Variants in ERBB4 observed in about 807,000 individuals in gnomAD.
ERBB4 encodes the protein receptor tyrosine-protein kinase erbB-4.
In ERBB4, 42 loss-of-function variants were observed where a neutral mutation model predicts 158.0. That is an observed-to-expected ratio of 0.27 (90% CI 0.21 to 0.34). The LOEUF (loss-of-function observed/expected upper bound fraction) is 0.34, where lower values mean the gene tolerates loss of function less well. ERBB4 is among the 10% of genes least tolerant of loss of function. The pLI, the probability that ERBB4 is intolerant of heterozygous loss-of-function variation, is 1.00. For missense variants in ERBB4, 1,333 were observed against 1,624.1 expected, an observed-to-expected ratio of 0.82 and a Z score of 3.08; for synonymous variants, 583 against 558.7, an observed-to-expected ratio of 1.04 and a Z score of -0.61.
chr2:212,072,924 C>T (rs9678219), intron 2 of ERBB4, among the ~76,000 whole-genome samples: 29,664 of 151,808 alleles, frequency 0.2, 3,303 homozygotes, highest in African/African-American at 0.31. Context: ...AATATTGTTT[C>T]ATGAAAGCAC....
chr2:212,425,854 T>C (rs1049218530), intron 1 of ERBB4, among the ~76,000 whole-genome samples: 3 of 151,996 alleles, frequency 2.0e-5, no homozygotes, highest in South Asian at 2.1e-4. Context: ...AGAAAAGTTT[T>C]TGTATTCCTC....
intron 3 of ERBB4, among the ~76,000 whole-genome samples, chr2:211,824,018 T>A (rs1259317642): frequency 6.6e-6 from 1 of 152,036 alleles, no homozygotes; most frequent in African/African-American, 2.4e-5. Context: ...AGAATGGTGA[T>A]TTAGGCTCCC....
chr2:211,577,694 G>T (rs918655595), intron 19 of ERBB4, among the ~76,000 whole-genome samples: 4 of 152,058 alleles, frequency 2.6e-5, no homozygotes, highest in Non-Finnish European at 5.9e-5. Context: ...CACATAAACA[G>T]ATCTAAAGAC....
intron 1 of ERBB4, among the ~76,000 whole-genome samples, chr2:212,138,807 T>C (rs1377251219): frequency 6.6e-6 from 1 of 152,162 alleles, no homozygotes; most frequent in Non-Finnish European, 1.5e-5. Flanking sequence ...AACTATTCCA[T>C]TTCAGGCTGA....
At chr2:212,155,469 T>G (rs1393458833) in intron 1 of ERBB4, among the ~76,000 whole-genome samples, 2 of 152,096 alleles carry the variant, frequency 1.3e-5, no homozygotes, top group African/African-American at 4.8e-5. Flanking sequence ...GGTATATGTT[T>G]AAAATATATA....
intron 2 of ERBB4, among the ~76,000 whole-genome samples, chr2:212,118,455 A>G (rs1282562026): frequency 6.6e-6 from 1 of 152,196 alleles, no homozygotes; most frequent in Non-Finnish European, 1.5e-5. Context: ...GAAGAGGAAT[A>G]TTCATGAGAA....
At chr2:211,403,300 T>G (rs978160392) in intron 25 of ERBB4, among the ~76,000 whole-genome samples, 2 of 152,158 alleles carry the variant, frequency 1.3e-5, no homozygotes, top group Admixed American at 6.6e-5. Context: ...AACTCAGGCC[T>G]CAGAGCCAAG....
At chr2:212,521,649 T>G (rs1692175049) in intron 1 of ERBB4, among the ~76,000 whole-genome samples, 2 of 151,592 alleles carry the variant, frequency 1.3e-5, no homozygotes, top group South Asian at 2.1e-4. Flanking sequence ...TGCTATTTTA[T>G]ATGCATTTAC....
chr2:211,634,954 G>A (rs1182656467), intron 16 of ERBB4, among the ~76,000 whole-genome samples: 1 of 152,170 alleles, frequency 6.6e-6, no homozygotes, highest in African/African-American at 2.4e-5. Flanking sequence ...TTACAGGCAT[G>A]AGCCACCACT....
chr2:212,003,148 G>GGAAGGAAA (rs2076153427), intron 2 of ERBB4, among the ~76,000 whole-genome samples: 13 of 15,186 alleles, frequency 8.6e-4, no homozygotes, highest in African/African-American at 1.7e-3. Flanking sequence ...AAGGAAGGAA[G>GGAAGGAAA]GAAAGAAAGA....
chr2:212,058,084 G>T (rs183482613), intron 2 of ERBB4, among the ~76,000 whole-genome samples: 1 of 151,834 alleles, frequency 6.6e-6, no homozygotes, highest in African/African-American at 2.4e-5. Context: ...AGACGCAGAC[G>T]CAATAAAAAA....
Position 212,021,440 on chromosome 2 carries a change from C to T in ERBB4, c.235-73824G>A, listed in dbSNP as rs558218375. ...CACACATCTATAATCATCTGACCTT[C>T]GACAAACCTGATGAAAACAAGCAAT... On this transcript the variant is annotated intron_variant, in intron 2 of 27. Transcript: ENST00000342788. Among the ~76,000 whole-genome samples, 89 of 152,122 alleles carry T rather than the reference C, an allele frequency of 5.9e-4. 1 individual carries two copies. The highest frequency in any genetic ancestry group is 2.0e-3 in the African/African-American group (84 of 41,510).
chr2:211,612,011 G>GGAAGGTCTA (rs2069219347), intron 19 of ERBB4, among the ~76,000 whole-genome samples: 1 of 152,028 alleles, frequency 6.6e-6, no homozygotes, highest in Admixed American at 6.6e-5. Context: ...ATGTCAAAAC[G>GGAAGGTCTA]GAAGGTCTAG....
chr2:211,604,885 C>T (rs943889724), intron 19 of ERBB4, among the ~76,000 whole-genome samples: 1 of 152,016 alleles, frequency 6.6e-6, no homozygotes, highest in African/African-American at 2.4e-5. Context: ...CTTTAGAAAT[C>T]GAAACATCTT....
chr2:212,034,235 A>G (rs899726647), intron 2 of ERBB4, among the ~76,000 whole-genome samples: 6 of 152,090 alleles, frequency 3.9e-5, no homozygotes, highest in Non-Finnish European at 7.4e-5. Flanking sequence ...GGGAATATCA[A>G]TTATGCATTT....
chr2:211,861,050 T>A (rs13422991), intron 3 of ERBB4, among the ~76,000 whole-genome samples: 1 of 6,096 alleles, frequency 1.6e-4, no homozygotes, highest in East Asian at 6.0e-3. Flanking sequence ...TTTATATATT[T>A]ATATATATAT....
intron 3 of ERBB4, among the ~76,000 whole-genome samples, chr2:211,838,658 T>C (rs1042743260): frequency 6.6e-6 from 1 of 152,192 alleles, no homozygotes; most frequent in African/African-American, 2.4e-5. Context: ...AAAATTGGCA[T>C]TATATTGTAT....
chr2:212,033,516 A>C (rs1390253429), intron 2 of ERBB4, among the ~76,000 whole-genome samples: 3 of 151,892 alleles, frequency 2.0e-5, no homozygotes, highest in Non-Finnish European at 4.4e-5. Context: ...TTTGTATTTA[A>C]ACAGAAAAGG....
intron 3 of ERBB4, among the ~76,000 whole-genome samples, chr2:211,839,183 A>AGGAGGAGGAGGAGGG (rs2077412914): frequency 9.3e-6 from 1 of 107,504 alleles, no homozygotes; most frequent in Admixed American, 8.6e-5. Flanking sequence ...GAGGAGGAGG[A>AGGAGGAGGAGGAGGG]GGAGGAGGAG....
Sources: allele counts gnomAD v4.1 joint callset (sites outside exome capture counted in the v4.1 genomes callset), GRCh38; gene constraint gnomAD v4.1.1; transcripts MANE v1.5; gene names NCBI Gene and HGNC (gene_info 2026-07-23, HGNC 2026-07-21).